IFFO2: variants seen among roughly 807,000 people sequenced by gnomAD.
IFFO2 encodes the protein intermediate filament family orphan 2.
In IFFO2, 19 loss-of-function variants were observed where a neutral mutation model predicts 53.5. The ratio of observed to expected loss-of-function variants is 0.36; its 90% CI spans 0.25 to 0.52. IFFO2 has a LOEUF of 0.52. Ranked by LOEUF, IFFO2 falls within the 20% of genes least tolerant of loss-of-function variation. The probability of loss-of-function intolerance (pLI) is 0.94; values close to 1 mark genes in which losing one functional copy is unlikely to be tolerated. For missense variants in IFFO2, 570 were observed against 727.4 expected, an observed-to-expected ratio of 0.78 and a Z score of 2.49; for synonymous variants, 303 against 313.6, an observed-to-expected ratio of 0.97 and a Z score of 0.36.
intron 1 of IFFO2, among the ~76,000 whole-genome samples, chr1:18,937,001 C>T (rs992876690): frequency 4.7e-5 from 7 of 150,082 alleles, no homozygotes; most frequent in South Asian, 2.1e-4. Context: ...GGACATCAGA[C>T]GGGGAAGTCC....
At chr1:18,926,739 A>G (rs1037773875) in intron 1 of IFFO2, among the ~76,000 whole-genome samples, 12 of 143,856 alleles carry the variant, frequency 8.3e-5, no homozygotes, top group Non-Finnish European at 1.5e-5. Flanking sequence ...CTCTCCCGTC[A>G]GCTCAAGATG....
chr1:18,937,552 C>G (rs891425713), intron 1 of IFFO2, among the ~76,000 whole-genome samples: 4 of 152,128 alleles, frequency 2.6e-5, no homozygotes, highest in African/African-American at 4.8e-5. Flanking sequence ...AAGTCAGTCC[C>G]CTTAAGATGA....
chr1:18,946,973 T>G (rs967652951), intron 1 of IFFO2, among the ~76,000 whole-genome samples: 1 of 152,256 alleles, frequency 6.6e-6, no homozygotes, highest in African/African-American at 2.4e-5. Context: ...GAGAAGGTAC[T>G]GGGCACATGC....
At chr1:18,932,707 A>G (rs1380347968) in intron 1 of IFFO2, among the ~76,000 whole-genome samples, 1 of 152,220 alleles carries the variant, frequency 6.6e-6, no homozygotes, top group Non-Finnish European at 1.5e-5. Context: ...CTGCCATGGA[A>G]AATGGGTAAC....
rs972952105 is a variant in IFFO2 at position 18,918,776 on chromosome 1, G to A, written c.823-274C>T. Among the ~76,000 whole-genome samples, 1 of 152,066 alleles carries A rather than the reference G, an allele frequency of 6.6e-6. No homozygotes were observed. The highest frequency in any genetic ancestry group is 1.5e-5 in the Non-Finnish European group (1 of 67,996). On this transcript the variant is annotated intron_variant, in intron 3 of 8. Transcript: ENST00000455833. This position sits in a 1 kb window ranked among gnomAD's most constrained non-coding sequence, Gnocchi z 5.2. ...AAGGCATCCTCCCAGCAGACACAGG[G>A]TCCGTGTTCACTTTGTTAGAGCGAA...
chr1:18,938,200 C>T (rs550457112), intron 1 of IFFO2, among the ~76,000 whole-genome samples: 1 of 152,358 alleles, frequency 6.6e-6, no homozygotes, highest in African/African-American at 2.4e-5. Context: ...CTCTCTGAGC[C>T]TCAGTTTCCT....
chr1:18,913,230 C>G lies in IFFO2; in HGVS notation c.1104-1147G>C, dbSNP rs147571929. Among the ~76,000 whole-genome samples the G allele has an allele frequency of 2.0e-3, 305 of 152,356 alleles. 2 individuals carry two copies. Among genetic ancestry groups the G allele is most frequent in the African/African-American group, 7.0e-3 (293 of 41,596 alleles). ...GAGCGCCCCCTGGAGTCAGGCCGGG[C>G]CGGCTCCCCTCCAAAAGCCATTCCC... On this transcript the variant is annotated intron_variant, in intron 5 of 8. Coordinates refer to ENST00000455833, the MANE Select transcript of IFFO2 (RefSeq NM_001136265.2).
intron 1 of IFFO2, among the ~76,000 whole-genome samples, chr1:18,942,162 T>C (rs1936529624): frequency 6.6e-6 from 1 of 152,150 alleles, no homozygotes; most frequent in South Asian, 2.1e-4. Context: ...CCACAGGGTG[T>C]TGGTGAGCCT....
At position 18,911,446 on chromosome 1, in the gene IFFO2, C is replaced by T. The variant is rs1348108039; in HGVS notation, c.1255G>A (p.Glu419Lys). The T allele has an allele frequency of 2.0e-6, 3 of 1,515,144 alleles. No individual in the cohort carries two copies. 93.9% of individuals were successfully genotyped at this position (1,515,144 alleles called of 1,614,324 possible). A position where few individuals can be genotyped will look rare whatever the true frequency, so the allele number is the denominator to read the frequency against. ...CTCGTCTTGAAGAAGGATTCGGTCT[C>T]ATGGATCAAGTTGCCCAAGTTTTCC... ...QEENLGNLIH[E>K]TESFFKTRDK... The change falls in exon 7 of 9, where the codon GAG (glutamate) becomes AAG (lysine). Residue 419 changes from glutamate to lysine, a missense_variant. Glu to Lys is a moderately conservative substitution (Grantham distance 56). Transcript: ENST00000455833.
intron 8 of IFFO2, among the ~76,000 whole-genome samples, chr1:18,909,112 G>A (rs6688134): frequency 0.17 from 25,206 of 151,800 alleles, 2,316 homozygotes; most frequent in Admixed American, 0.22. Context: ...CTGCCTGAGC[G>A]TCTGCTCTTC....
chr1:18,910,459 G>A lies in IFFO2; in HGVS notation c.1331C>T (p.Thr444Ile), dbSNP rs776273617. 1.2e-6 allele frequency: 2 copies of A among 1,613,196 alleles called. No homozygotes were observed. The highest frequency in any genetic ancestry group is 1.3e-5 in the African/African-American group (1 of 74,896). The change falls in exon 8 of 9, where the codon ACA becomes ATA. Residue 444 changes from threonine (T) to isoleucine (I), a missense_variant. By Grantham distance (89) the Thr-to-Ile change is moderately conservative. Coordinates refer to ENST00000455833, the MANE Select transcript of IFFO2 (RefSeq NM_001136265.2). ...GTGTCGGTTCATGTCACTTTTGGCT[G>A]TGGCCAGCTCGAGCTGGGAGGAACC... Reference protein sequence around the residue: ...TIGQIELELATAKSDMNRHLH... With the variant: ...TIGQIELELAIAKSDMNRHLH...
At chr1:18,944,465 A>G (rs1335331645) in intron 1 of IFFO2, among the ~76,000 whole-genome samples, 1 of 151,990 alleles carries the variant, frequency 6.6e-6, no homozygotes, top group Non-Finnish European at 1.5e-5. Flanking sequence ...TAGGCCCTGG[A>G]CCATAATGGG....
intron 1 of IFFO2, among the ~76,000 whole-genome samples, chr1:18,931,288 G>A (rs1396594546): frequency 6.6e-6 from 1 of 152,094 alleles, no homozygotes; most frequent in Non-Finnish European, 1.5e-5. Flanking sequence ...CTACACCCAC[G>A]TGGGCACTCC....
intron 8 of IFFO2, 102 bp from the exon 9 acceptor site, chr1:18,908,768 T>C (rs1935989362): frequency 7.4e-6 from 6 of 815,580 alleles, no homozygotes; most frequent in Non-Finnish European, 1.2e-5. Context: ...AGATCTACTC[T>C]CAGAGGGGCC....
chr1:18,915,288 T>C (rs1246312343), intron 5 of IFFO2, among the ~76,000 whole-genome samples: 1 of 152,174 alleles, frequency 6.6e-6, no homozygotes, highest in Non-Finnish European at 1.5e-5. Context: ...CCCTGGGCTT[T>C]TGAAACAAAT....
rs1371084444 is a variant in IFFO2, at chr1:18,911,973, A to G, written c.1214T>C (p.Leu405Pro). 7 of 1,551,612 alleles carry G rather than the reference A, an allele frequency of 4.5e-6. No homozygotes were observed. Among genetic ancestry groups the G allele is most frequent in the Non-Finnish European group, 5.2e-6 (6 of 1,146,996 alleles). ...DFTNCNPTIDLQGEQEENLGN... is the reference protein window; with the variant it reads ...DFTNCNPTIDPQGEQEENLGN... ...AGGCGCTGGGCTTACCTCGCCCTGC[A>G]GGTCGATGGTCGGATTGCAGTTGGT... Residue 405 changes from leucine (L) to proline (P), a missense_variant, in exon 6 of 9, where the codon CTG becomes CCG. Physicochemically the swap from Leu to Pro is moderately conservative, Grantham distance 98. Coordinates refer to ENST00000455833, the MANE Select transcript of IFFO2 (RefSeq NM_001136265.2).
At chr1:18,935,700 CT>C (rs71763185) in intron 1 of IFFO2, among the ~76,000 whole-genome samples, 33,480 of 138,988 alleles carry the variant, frequency 0.24, 5,499 homozygotes, top group African/African-American at 0.48. Context: ...CTCCTTCTGT[CT>C]TTTTTTTTTT....
rs1936728157 is a variant in IFFO2 at position 18,956,352 on chromosome 1, G to C, written c.-20C>G. On this transcript the variant is annotated 5_prime_UTR_variant, in exon 1 of 9. Coordinates refer to ENST00000455833, the MANE Select transcript of IFFO2 (RefSeq NM_001136265.2). The surrounding 1 kb of genome is among the most constrained non-coding windows in gnomAD (Gnocchi z 6.4). The stretch of plus-strand genomic sequence containing the variant: ...CACCATGCGCCGGCTGCGCGGCTCA[G>C]GGCCCCGGGCCCGCGGCTCCAGGTG... 4.1e-6 allele frequency: 1 copy of C among 244,376 alleles called. No individual in the cohort carries two copies. Among genetic ancestry groups the C allele is most frequent in the Non-Finnish European group, 7.0e-6 (1 of 143,090 alleles). The allele number at this position is 244,376 out of a possible 1,614,324, so 15.1% of individuals were successfully genotyped here. A position where few individuals can be genotyped will look rare whatever the true frequency, so the allele number is the denominator to read the frequency against.
chr1:18,912,093 T>C lies in IFFO2; in HGVS notation c.1104-10A>G, dbSNP rs1485557080. 75 of 1,551,036 alleles carry C rather than the reference T, an allele frequency of 4.8e-5. No individual in the cohort carries two copies. The highest frequency in any genetic ancestry group is 1.4e-4 in the Admixed American group (7 of 50,948). ...GTCAAAGGTCTCCCGCCTGTGGGGGTGACACCAGAGGGCATGACTGAACAG... is the reference window on the plus strand; with the variant it reads ...GTCAAAGGTCTCCCGCCTGTGGGGGCGACACCAGAGGGCATGACTGAACAG... On this transcript the variant is annotated splice_polypyrimidine_tract_variant and intron_variant, in intron 5 of 8. Coordinates refer to ENST00000455833, the MANE Select transcript of IFFO2 (RefSeq NM_001136265.2).
Sources: gnomAD v4.1 joint callset for allele counts (sites outside exome capture counted in the v4.1 genomes callset) on GRCh38, gnomAD v4.1.1 for gene constraint, Gnocchi (gnomAD v3.1) non-coding constraint, MANE v1.5 for transcripts, NCBI Gene and HGNC (gene_info 2026-07-23, HGNC 2026-07-21) for gene names.